Variants in PPP1R9A observed in about 807,000 individuals in gnomAD.
PPP1R9A encodes neurabin-1.
PPP1R9A carries 59 observed loss-of-function variants against 141.9 expected under a neutral mutation model. The ratio of observed to expected loss-of-function variants is 0.42; its 90% confidence interval spans 0.34 to 0.52. The LOEUF (loss-of-function observed/expected upper bound fraction) is 0.52, where lower values mean the gene tolerates loss of function less well. PPP1R9A is among the 20% of genes least tolerant of loss of function. The pLI is 0.10. For synonymous variants in PPP1R9A, 500 were observed against 569.7 expected (o/e 0.88, Z 1.74); for missense variants, 1,444 against 1,611.9 (o/e 0.90, Z 1.78).
chr7:95,051,100 A>G (rs1810732440), intron 2 of PPP1R9A, among the ~76,000 whole-genome samples: 1 of 151,680 alleles, frequency 6.6e-6, no homozygotes, highest in Non-Finnish European at 1.5e-5. Flanking sequence ...TTACATTTTT[A>G]CATTTAAGTC....
rs1791355644 is a variant in PPP1R9A, at chr7:94,910,733, C to A, written c.620C>A (p.Ala207Glu). ...TCCCCAACTGTGAGTCAACTGAGTG[C>A]AGTATTTGAGAACACTGATTCTCCC... ...AVSPTVSQLS[A>E]VFENTDSPSA... is the part of the protein sequence containing the mutation. The change falls in exon 2 of 20, where the codon GCA (alanine) becomes GAA (glutamate). Residue 207 changes from alanine to glutamate, a missense_variant. Physicochemically the swap from Ala to Glu is moderately radical, Grantham distance 107. Around this residue, in one of 5 missense-constraint regions of PPP1R9A, gnomAD observed 490 missense variants for 521.1 expected, o/e 0.94. Transcript: ENST00000433360. The surrounding 1 kb of genome is among the most constrained non-coding windows in gnomAD (Gnocchi z 4.5). The A allele has an allele frequency of 6.2e-7, 1 of 1,614,014 alleles. No individual in the cohort carries two copies. The highest frequency in any genetic ancestry group is 1.3e-5 in the African/African-American group (1 of 74,918).
At chr7:95,223,467 A>G (rs1199635736) in intron 7 of PPP1R9A, among the ~76,000 whole-genome samples, 1 of 151,882 alleles carries the variant, frequency 6.6e-6, no homozygotes, top group African/African-American at 2.4e-5. Flanking sequence ...TGATATTGAA[A>G]ATCTCCTTAG....
At chr7:95,080,982 A>T (rs1352097572) in intron 2 of PPP1R9A, among the ~76,000 whole-genome samples, 1 of 152,242 alleles carries the variant, frequency 6.6e-6, no homozygotes, top group African/African-American at 2.4e-5. Flanking sequence ...AGGTCAATTT[A>T]CATATCTGCT....
chr7:95,024,712 G>C (rs1806551861), intron 2 of PPP1R9A, among the ~76,000 whole-genome samples: 1 of 152,034 alleles, frequency 6.6e-6, no homozygotes, highest in Admixed American at 6.6e-5. Flanking sequence ...CACACCGATA[G>C]GTTTTGAGCC....
intron 8 of PPP1R9A, among the ~76,000 whole-genome samples, chr7:95,231,994 G>A (rs1297872876): frequency 6.6e-6 from 1 of 152,034 alleles, no homozygotes; most frequent in African/African-American, 2.4e-5. Context: ...GATCTCTAGC[G>A]AGATTAACCA....
chr7:95,070,610 T>TATATATATATATATAC (rs1321187469), intron 2 of PPP1R9A, among the ~76,000 whole-genome samples: 1 of 94,120 alleles, frequency 1.1e-5, no homozygotes, highest in Non-Finnish European at 2.9e-5. Context: ...TATATATATA[T>TATATATATATATATAC]ACACACACAC....
chr7:94,956,435 A>G (rs551387152), intron 2 of PPP1R9A, among the ~76,000 whole-genome samples: 3 of 152,248 alleles, frequency 2.0e-5, no homozygotes, highest in East Asian at 3.9e-4. Flanking sequence ...ATTTATCTAA[A>G]CAAATGGATT....
chr7:95,113,284 A>G (rs1428403224), intron 3 of PPP1R9A, among the ~76,000 whole-genome samples: 1 of 152,132 alleles, frequency 6.6e-6, no homozygotes, highest in Non-Finnish European at 1.5e-5. Flanking sequence ...AAGAGTCCCA[A>G]TATATAAGTT....
intron 2 of PPP1R9A, among the ~76,000 whole-genome samples, chr7:95,016,161 A>G (rs1004125322): frequency 1.3e-5 from 2 of 152,122 alleles, no homozygotes; most frequent in Non-Finnish European, 2.9e-5. Context: ...CTTATCATAT[A>G]CAATGGAATA....
intron 2 of PPP1R9A, among the ~76,000 whole-genome samples, chr7:95,095,207 T>G (rs752078989): frequency 9.2e-5 from 14 of 152,308 alleles, no homozygotes; most frequent in Admixed American, 2.0e-4. Flanking sequence ...TTACAGAGCA[T>G]TCACCTATTT....
chr7:94,965,700 C>T (rs1000479941), intron 2 of PPP1R9A, among the ~76,000 whole-genome samples: 1 of 152,040 alleles, frequency 6.6e-6, no homozygotes, highest in Admixed American at 6.6e-5. Context: ...GTAGCAGTAC[C>T]ATGCTGTTTT....
rs186426388 is a variant in PPP1R9A, at chr7:95,214,845, T to A, written c.1956+11115T>A. Among the ~76,000 whole-genome samples, 192 of 152,292 alleles carry A rather than the reference T, an allele frequency of 1.3e-3. 1 individual carries two copies. The highest frequency in any genetic ancestry group is 2.2e-3 in the Non-Finnish European group (152 of 68,014). ...TTTTTCAGCAATATTACCAATGACCTGACAAGGTGAGAGCCTGAAGGTAAG... is the reference window on the plus strand; with the variant it reads ...TTTTTCAGCAATATTACCAATGACCAGACAAGGTGAGAGCCTGAAGGTAAG... On this transcript the variant is annotated intron_variant, in intron 7 of 19. Coordinates refer to ENST00000433360, the MANE Select transcript of PPP1R9A (RefSeq NM_001166160.2).
Position 94,910,045 on chromosome 7 carries a change from G to C in PPP1R9A, c.-69G>C, listed in dbSNP as rs1791281184. The stretch of plus-strand genomic sequence containing the variant: ...ACCCAATACTGGTGATTAGAGAAGA[G>C]AGGTATCTTGGTTTTTGGTTTTTTT... On this transcript the variant is annotated 5_prime_UTR_variant, in exon 2 of 20. Transcript: ENST00000433360. The surrounding 1 kb of genome is among the most constrained non-coding windows in gnomAD (Gnocchi z 4.5). 2 of 1,338,208 alleles carry C rather than the reference G, an allele frequency of 1.5e-6. No individual in the cohort carries two copies. Among genetic ancestry groups the C allele is most frequent in the South Asian group, 1.4e-5 (1 of 71,750 alleles). 82.9% of individuals were successfully genotyped at this position (1,338,208 alleles called of 1,614,324 possible).
intron 5 of PPP1R9A, among the ~76,000 whole-genome samples, chr7:95,164,148 C>G (rs1358320374): frequency 1.3e-5 from 2 of 152,194 alleles, no homozygotes; most frequent in East Asian, 3.9e-4. Flanking sequence ...CAAGAAACCA[C>G]CAACCCATCT....
chr7:94,916,387 A>G (rs1310954213), intron 2 of PPP1R9A, among the ~76,000 whole-genome samples: 2 of 152,230 alleles, frequency 1.3e-5, no homozygotes, highest in African/African-American at 4.8e-5. Flanking sequence ...TCTTTGGAAT[A>G]TGAATTTGAA....
intron 2 of PPP1R9A, chr7:95,018,339 C>T: frequency 4.5e-6 from 1 of 222,824 alleles, no homozygotes; most frequent in South Asian, 9.1e-5. Context: ...CTCTCGTTAT[C>T]ATCTTCTGCA....
At chr7:94,995,462 A>T (rs1428864812) in intron 2 of PPP1R9A, among the ~76,000 whole-genome samples, 1 of 151,834 alleles carries the variant, frequency 6.6e-6, no homozygotes, top group Non-Finnish European at 1.5e-5. Context: ...AAGTTGTCCC[A>T]TATTTTACTT....
chr7:94,976,990 T>C (rs1445009430), intron 2 of PPP1R9A, among the ~76,000 whole-genome samples: 1 of 152,130 alleles, frequency 6.6e-6, no homozygotes, highest in Middle Eastern at 3.2e-3. Flanking sequence ...CCAACTTGGC[T>C]AACAGATTGG....
intron 4 of PPP1R9A, among the ~76,000 whole-genome samples, chr7:95,129,728 G>C (rs957310012): frequency 2.0e-5 from 3 of 152,176 alleles, no homozygotes; most frequent in African/African-American, 7.2e-5. Context: ...AGGCTGAGGT[G>C]TCCTCAGATG....
Sources: allele counts gnomAD v4.1 joint callset (sites outside exome capture counted in the v4.1 genomes callset), GRCh38; gene constraint gnomAD v4.1.1; regional missense constraint gnomAD v4.1.1; non-coding constraint Gnocchi (gnomAD v3.1); transcripts MANE v1.5; gene names NCBI Gene and HGNC (gene_info 2026-07-23, HGNC 2026-07-21).